Variants in RIF1 observed in about 807,000 individuals in gnomAD.
The protein encoded by RIF1 is telomere-associated protein RIF1.
In RIF1, 45 loss-of-function variants were observed where a neutral mutation model predicts 247.1. That is an observed-to-expected ratio of 0.18 (90% CI 0.14 to 0.23). The LOEUF (loss-of-function observed/expected upper bound fraction) is 0.23, where lower values mean the gene tolerates loss of function less well. RIF1 is among the 10% of genes least tolerant of loss of function. RIF1 has a pLI of 1.00. For missense variants in RIF1, 2,967 were observed against 2,862.5 expected (o/e 1.04, Z -0.83); for synonymous variants, 1,087 against 978.8 (o/e 1.11, Z -2.06).
chr2:151,424,825 A>ATTTTTTTTTTTTTTTTTT (rs71000475), intron 8 of RIF1, among the ~76,000 whole-genome samples: 2 of 47,272 alleles, frequency 4.2e-5, no homozygotes, highest in Non-Finnish European at 7.7e-5. Flanking sequence ...AGCCCGGCTG[A>ATTTTTTTTTTTTTTTTTT]TTTTTTTTTT....
At chr2:151,451,761 CTT>C in intron 21 of RIF1, 56 bp downstream of exon 21, 1 of 923,100 alleles carries the variant, frequency 1.1e-6, no homozygotes, top group Non-Finnish European at 1.8e-6. Context: ...CAGTACTGAA[CTT>C]TGCCAGGGGA....
intron 20 of RIF1, among the ~76,000 whole-genome samples, chr2:151,446,816 C>T (rs1693352148): frequency 6.6e-6 from 1 of 152,140 alleles, no homozygotes; most frequent in African/African-American, 2.4e-5. Flanking sequence ...GTGCTTGTGT[C>T]ATTCTAGATT....
At chr2:151,422,340 A>G (rs190182982) in intron 7 of RIF1, among the ~76,000 whole-genome samples, 464 of 152,226 alleles carry the variant, frequency 3.0e-3, no homozygotes, top group Middle Eastern at 0.01. Context: ...TTGGTAGAAA[A>G]AAAAAGTTGG....
chr2:151,462,202 C>A, intron 27 of RIF1, 40 bp from the exon 28 acceptor site: 1 of 679,308 alleles, frequency 1.5e-6, no homozygotes, highest in South Asian at 2.3e-5. Flanking sequence ...GTAAGAATAT[C>A]ATCCGGTTTT....
At chr2:151,421,720 G>A (rs1038367529) in intron 7 of RIF1, among the ~76,000 whole-genome samples, 1 of 152,032 alleles carries the variant, frequency 6.6e-6, no homozygotes, top group Non-Finnish European at 1.5e-5. Flanking sequence ...CCTAAAACCT[G>A]GGATTTTACT....
At chr2:151,438,196 G>A (rs1042949041) in intron 13 of RIF1, among the ~76,000 whole-genome samples, 2 of 152,200 alleles carry the variant, frequency 1.3e-5, no homozygotes, top group African/African-American at 4.8e-5. Flanking sequence ...ACACATTTAT[G>A]GCTGGACATG....
At chr2:151,521,832 A>C in the RIF1 span, among the ~76,000 whole-genome samples, 1 of 152,208 alleles carries the variant, frequency 6.6e-6, no homozygotes, top group African/African-American at 2.4e-5. Flanking sequence ...ACAACTACTA[A>C]TATGAATCTG....
chr2:151,431,297 T>C (rs1422168344), intron 9 of RIF1, among the ~76,000 whole-genome samples: 3 of 152,144 alleles, frequency 2.0e-5, no homozygotes, highest in African/African-American at 7.2e-5. Context: ...TACCTAGAAA[T>C]AGCCTTCTAA....
At chr2:151,497,978 C>G in intron 10 of RIF1, 1 of 1,435,248 alleles carries the variant, frequency 7.0e-7, no homozygotes, top group Non-Finnish European at 9.1e-7. Context: ...TACGGTGCCT[C>G]CTAAACAATC....
intron 21 of RIF1, among the ~76,000 whole-genome samples, chr2:151,452,324 A>G (rs1411183040): frequency 6.6e-6 from 1 of 152,224 alleles, no homozygotes; most frequent in Non-Finnish European, 1.5e-5. Context: ...TAATTGATTC[A>G]TTGAAGTCAG....
At chr2:151,472,897 G>T (rs1375844006) in intron 34 of RIF1, among the ~76,000 whole-genome samples, 1 of 152,210 alleles carries the variant, frequency 6.6e-6, no homozygotes, top group Non-Finnish European at 1.5e-5. Context: ...AAAAGAGTTA[G>T]TGAGGATTCC....
chr2:151,444,017 C>CG (rs1374590208), intron 18 of RIF1, among the ~76,000 whole-genome samples: 1 of 152,148 alleles, frequency 6.6e-6, no homozygotes, highest in East Asian at 1.9e-4. Flanking sequence ...GGAATAACAG[C>CG]GGTTATCTTG....
intron 8 of RIF1, among the ~76,000 whole-genome samples, chr2:151,427,160 TTTTA>T (rs1689243523): frequency 6.6e-6 from 1 of 152,166 alleles, no homozygotes; most frequent in African/African-American, 2.4e-5. Flanking sequence ...TGATGTAATT[TTTTA>T]TTTGTGATGC....
At chr2:151,418,036 C>T (rs1404721832) in intron 6 of RIF1, among the ~76,000 whole-genome samples, 2 of 152,058 alleles carry the variant, frequency 1.3e-5, no homozygotes, top group African/African-American at 2.4e-5. Context: ...ACACTTACCA[C>T]GAATGGAGGT....
chr2:151,482,276 A>G (rs1243464680), downstream of RIF1: 2 of 152,192 alleles, frequency 1.3e-5, no homozygotes, highest in African/African-American at 4.8e-5. Flanking sequence ...CACAAAGTGT[A>G]TGTTATATTC....
At chr2:151,469,921 T>G (rs1697533977) in intron 34 of RIF1, 57 bp downstream of exon 34, 7 of 1,302,942 alleles carry the variant, frequency 5.4e-6, no homozygotes, top group Non-Finnish European at 7.3e-6. Context: ...GCAGTACAGT[T>G]ACAGAAGTTT....
chr2:151,510,849 C>T (rs183704293), downstream of RIF1, among the ~76,000 whole-genome samples: 343 of 152,298 alleles, frequency 2.3e-3, 7 homozygotes, highest in East Asian at 0.044. Context: ...ATTTGTGAGT[C>T]AGCTTACATT....
chr2:151,424,840 TTTTTTTTTTTTTTTTTC>T lies in RIF1; in HGVS notation c.786+1799_786+1815del, dbSNP rs1236470995. On this transcript the variant is annotated intron_variant, in intron 8 of 35. Coordinates refer to ENST00000444746, the MANE Select transcript of RIF1 (RefSeq NM_018151.5). The stretch of plus-strand genomic sequence containing the variant: ...AGCCCGGCTGATTTTTTTTTTTTTT[TTTTTTTTTTTTTTTTTC>T]CATATTTTTTGTAGAGACTGGGTTT... Among the ~76,000 whole-genome samples the T allele has an allele frequency of 5.5e-4, 78 of 141,502 alleles. 1 individual carries two copies. The highest frequency in any genetic ancestry group is 1.8e-3 in the African/African-American group (68 of 37,530). 92.8% of individuals were successfully genotyped at this position (141,502 alleles called of 152,430 possible).
intron 6 of RIF1, among the ~76,000 whole-genome samples, chr2:151,418,725 T>A (rs1687636150): frequency 1.3e-5 from 2 of 151,870 alleles, no homozygotes; most frequent in South Asian, 4.2e-4. Flanking sequence ...AAATACAAAA[T>A]CAGCCGGGCG....
Sources: gnomAD v4.1 joint callset for allele counts (sites outside exome capture counted in the v4.1 genomes callset) on GRCh38, gnomAD v4.1.1 for gene constraint, MANE v1.5 for transcripts, NCBI Gene and HGNC (gene_info 2026-07-23, HGNC 2026-07-21) for gene names.